The following PPP2R1B variants were observed in gnomAD, a reference collection of about 807,000 sequenced individuals.
PPP2R1B encodes the protein serine/threonine-protein phosphatase 2A 65 kDa regulatory subunit A beta isoform.
Under a neutral mutation model 72.7 loss-of-function variants are expected in PPP2R1B, and 58 were observed. The ratio of observed to expected loss-of-function variants is 0.80; its 90% CI spans 0.65 to 0.99. The LOEUF is 0.99. Ranked by LOEUF, PPP2R1B falls within the 50% of genes least tolerant of loss-of-function variation. The pLI, the probability that PPP2R1B is intolerant of heterozygous loss-of-function variation, is 0.00. For missense variants in PPP2R1B, 695 were observed against 733.6 expected (o/e 0.95, Z 0.61); for synonymous variants, 256 against 264.6 (o/e 0.97, Z 0.32).
At chr11:111,732,966 C>T (rs1037164223), downstream of PPP2R1B, among the ~76,000 whole-genome samples, 3 of 152,194 alleles carry the variant, frequency 2.0e-5, no homozygotes, top group Non-Finnish European at 2.9e-5. Context: ...GATGGATTAT[C>T]GCACAGGAAT....
At chr11:111,720,227 G>A in the PPP2R1B span, among the ~76,000 whole-genome samples, 1 of 152,168 alleles carries the variant, frequency 6.6e-6, no homozygotes, top group East Asian at 1.9e-4. Context: ...ATTCATCTGG[G>A]TGCCACGTGA....
chr11:111,753,296 C>CA, intron 9 of PPP2R1B, 147 bp downstream of exon 9: 1 of 1,129,394 alleles, frequency 8.9e-7, no homozygotes, highest in East Asian at 2.6e-5. Flanking sequence ...ACCCCATACC[C>CA]AAAATCACAG....
chr11:111,766,381 C>G lies in PPP2R1B; in HGVS notation c.-20G>C. 1 of 1,597,212 alleles carries G rather than the reference C, an allele frequency of 6.3e-7. No homozygotes were observed. The highest frequency in any genetic ancestry group is 8.5e-7 in the Non-Finnish European group (1 of 1,173,426). On this transcript the variant is annotated 5_prime_UTR_variant, in exon 1 of 15. Transcript: ENST00000527614. The stretch of plus-strand genomic sequence containing the variant: ...CGCCATGTTCTTTCTCCTCCTGCTG[C>G]TGGTCACCGCCTCCCGCCCCGCGCC...
chr11:111,743,204 A>C (rs1171709490), intron 12 of PPP2R1B, among the ~76,000 whole-genome samples, 172 bp downstream of exon 12: 1 of 152,188 alleles, frequency 6.6e-6, no homozygotes, highest in Non-Finnish European at 1.5e-5. Context: ...AATACTGTAG[A>C]TTTTAACATG....
chr11:111,721,779 C>T, the PPP2R1B span: 33 of 1,430,700 alleles, frequency 2.3e-5, no homozygotes, highest in Middle Eastern at 1.8e-4. Flanking sequence ...AGAACTGAGA[C>T]GTTTTTCCCC....
intron 15 of PPP2R1B, chr11:111,728,923 CAAAA>C (rs753877747): frequency 9.9e-5 from 9 of 91,072 alleles, no homozygotes; most frequent in African/African-American, 3.2e-4. Flanking sequence ...GACTCCACCT[CAAAA>C]AAAAAAAAAA....
the PPP2R1B span, among the ~76,000 whole-genome samples, chr11:111,705,554 A>C: frequency 1.3e-5 from 2 of 152,202 alleles, no homozygotes; most frequent in Non-Finnish European, 2.9e-5. The surrounding 1 kb of genome is among the most constrained non-coding windows in gnomAD (Gnocchi z 4.3). Context: ...CCATCATTCA[A>C]AATAGGGAAA....
chr11:111,689,882 C>G, the PPP2R1B span, among the ~76,000 whole-genome samples: 1 of 151,652 alleles, frequency 6.6e-6, no homozygotes, highest in African/African-American at 2.4e-5. Flanking sequence ...AATGGATTTT[C>G]CATTCTATAG....
At chr11:111,724,234 C>T (rs568309205), downstream of PPP2R1B, 39 of 1,432,974 alleles carry the variant, frequency 2.7e-5, no homozygotes, top group South Asian at 5.7e-5. Flanking sequence ...CTCTCCCTAA[C>T]GGGGAGAAAT....
At position 111,765,324 on chromosome 11, in the gene PPP2R1B, T is replaced by A. The variant is rs782301659; in HGVS notation, c.175A>T (p.Thr59Ser). ...TIALALGVER[T>S]RSELLPFLTD... ...AGAAATGGCAACAATTCACTTCGGG[T>A]CCTTTCTACTCCAAGTGCTAGGGCA... The change falls in exon 2 of 15, where the codon ACC becomes TCC. Residue 59 changes from threonine (T) to serine (S), a missense_variant. Physicochemically the swap from Thr to Ser is moderately conservative, Grantham distance 58. Transcript: ENST00000527614. The A allele has an allele frequency of 1.9e-6, 3 of 1,613,318 alleles. No homozygotes were observed. The East Asian group carries it at 6.7e-5, about 36-fold the overall frequency.
the PPP2R1B span, among the ~76,000 whole-genome samples, chr11:111,719,450 AT>A: frequency 6.6e-6 from 1 of 151,164 alleles, no homozygotes; most frequent in Non-Finnish European, 1.5e-5. Context: ...TTAAAAAAAA[AT>A]AATAACTGGT....
chr11:111,737,704 AT>A (rs1287952545), downstream of PPP2R1B: 1 of 1,467,120 alleles, frequency 6.8e-7, no homozygotes, highest in Non-Finnish European at 9.2e-7. Flanking sequence ...CTACAAGTAT[AT>A]GGGGCACTGG....
the PPP2R1B span, among the ~76,000 whole-genome samples, chr11:111,692,385 A>AAAAAAAAAAAAAC: frequency 8.4e-6 from 1 of 119,628 alleles, no homozygotes; most frequent in Non-Finnish European, 1.8e-5. Flanking sequence ...AAAAAAAAAA[A>AAAAAAAAAAAAAC]AAACACAAAA....
In PPP2R1B at chr11:111,739,890, T is replaced by C. The variant is rs929622850; in HGVS notation, c.*1706A>G. ...TGGCCCAAAGTCATAAAATAGAAAC[T>C]TACTATAAGGTAATTTGGCAGTTTA... On this transcript the variant is annotated 3_prime_UTR_variant, in exon 15 of 15. Transcript: ENST00000527614. The C allele has an allele frequency of 2.0e-6, 2 of 981,300 alleles. No individual in the cohort carries two copies. The highest frequency in any genetic ancestry group is 6.2e-5 in the Admixed American group (1 of 16,252). 60.8% of individuals were successfully genotyped at this position (981,300 alleles called of 1,614,324 possible).
intron 13 of PPP2R1B, 134 bp from the exon 14 acceptor site, chr11:111,742,278 C>T (rs1030524106): frequency 1.1e-5 from 9 of 819,480 alleles, no homozygotes; most frequent in African/African-American, 8.7e-5. Context: ...GACAAATACA[C>T]AAAATAATGT....
At position 111,740,356 on chromosome 11, in the gene PPP2R1B, T is replaced by C. The variant is rs1299348845; in HGVS notation, c.*1240A>G. ...CCTCAGCCTCCTGAGTAGCTGGGAC[T>C]ACAGGTGTGTGCCACCACGCCCAGC... On this transcript the variant is annotated 3_prime_UTR_variant, in exon 15 of 15. Transcript: ENST00000527614. 4.1e-5 allele frequency: 35 copies of C among 854,684 alleles called. No individual in the cohort carries two copies. The highest frequency in any genetic ancestry group is 4.8e-5 in the Non-Finnish European group (34 of 711,194). 52.9% of individuals were successfully genotyped at this position (854,684 alleles called of 1,614,324 possible).
At position 111,752,202 on chromosome 11, in the gene PPP2R1B, C is replaced by A; in HGVS notation, c.1295G>T (p.Arg432Leu). Residue 432 changes from arginine (R) to leucine (L), a missense_variant, in exon 10 of 15, where the codon CGC (arginine) becomes CTC (leucine). Physicochemically the swap from Arg to Leu is moderately radical, Grantham distance 102 (BLOSUM62 -2). Transcript: ENST00000527614. ...CGGCATATACTCAATGATGGCCAGG[C>A]GGACCCTCCATTTGGCATCTTCTGC... The part of the protein sequence containing the change: ...ELAEDAKWRV[R>L]LAIIEYMPLL... 6.2e-7 allele frequency: 1 copy of A among 1,613,720 alleles called. No homozygotes were observed.
chr11:111,748,091 G>T, intron 10 of PPP2R1B, 77 bp from the exon 11 acceptor site: 2 of 1,369,678 alleles, frequency 1.5e-6, no homozygotes, highest in South Asian at 2.5e-5. Flanking sequence ...ATTACACCAA[G>T]GTTACCTGAA....
downstream of PPP2R1B, chr11:111,737,536 G>A: frequency 6.2e-7 from 1 of 1,614,212 alleles, no homozygotes; most frequent in Non-Finnish European, 8.5e-7. Flanking sequence ...GTCCTTCACA[G>A]GAAATTCTAG....
Sources: gnomAD v4.1 joint callset for allele counts (sites outside exome capture counted in the v4.1 genomes callset) on GRCh38, gnomAD v4.1.1 for gene constraint, Gnocchi (gnomAD v3.1) non-coding constraint, MANE v1.5 for transcripts, NCBI Gene and HGNC (gene_info 2026-07-23, HGNC 2026-07-21) for gene names.